Variants in RYR2 observed in about 807,000 individuals in gnomAD.
RYR2 encodes ryanodine receptor 2, also known as cardiac muscle ryanodine receptor-calcium release channel.
A neutral mutation model predicts 601.1 loss-of-function variants in RYR2; 227 were observed. That is an observed-to-expected ratio of 0.38 (90% confidence interval 0.34 to 0.42). The LOEUF (loss-of-function observed/expected upper bound fraction) is 0.42, where lower values mean the gene tolerates loss of function less well. Among genes scored for constraint, RYR2 ranks in the 10% least tolerant of loss-of-function variants. The pLI, the probability that RYR2 is intolerant of heterozygous loss-of-function variation, is 1.00. For synonymous variants in RYR2, 2,223 were observed against 2,175.1 expected (o/e 1.02, Z -0.61); for missense variants, 4,646 against 6,156.5 (o/e 0.75, Z 8.21).
chr1:237,287,325 C>A (rs562607123), intron 2 of RYR2, among the ~76,000 whole-genome samples: 4 of 152,280 alleles, frequency 2.6e-5, no homozygotes, highest in Admixed American at 2.6e-4. Context: ...CCCAGGTGAT[C>A]TTTATGCTTC....
At chr1:237,522,280 A>T (rs1050372625) in intron 24 of RYR2, among the ~76,000 whole-genome samples, 1 of 152,228 alleles carries the variant, frequency 6.6e-6, no homozygotes, top group Non-Finnish European at 1.5e-5. Flanking sequence ...CTATAATACT[A>T]ACAATAGCTG....
Position 237,700,220 on chromosome 1 carries a change from A to C in RYR2, c.9129-9A>C. Reference sequence around the variant, plus strand: ...GGAAGATACGAGTCCTCCCTTATTTACTTTCTAGGACAGTGATGAAGACTG... The same window carrying C: ...GGAAGATACGAGTCCTCCCTTATTTCCTTTCTAGGACAGTGATGAAGACTG... On this transcript the variant is annotated splice_polypyrimidine_tract_variant and intron_variant, in intron 64 of 104. Transcript: ENST00000366574. 6.7e-7 allele frequency: 1 copy of C among 1,486,998 alleles called. No individual in the cohort carries two copies. The highest frequency in any genetic ancestry group is 9.2e-7 in the Non-Finnish European group (1 of 1,088,448). The allele number at this position is 1,486,998 out of a possible 1,614,324, so 92.1% of individuals were successfully genotyped here. A position where few individuals can be genotyped will look rare whatever the true frequency, so the allele number is the denominator to read the frequency against.
In RYR2 at chr1:237,605,240, C is replaced by T. The variant is rs567095495; in HGVS notation, c.4683+3129C>T. ...TTATCCACCATGATAAAGTGGGCTT[C>T]ATCCCTGGGATGCAAGGCTGGTTCA... On this transcript the variant is annotated intron_variant, in intron 35 of 104. Transcript: ENST00000366574. 2.5e-3 allele frequency among the ~76,000 whole-genome samples: 388 copies of T among 152,288 alleles called. 1 individual carries two copies. The highest frequency in any genetic ancestry group is 8.9e-3 in the African/African-American group (369 of 41,584).
Position 237,183,760 on chromosome 1 carries a change from C to T in RYR2, c.49-86737C>T, listed in dbSNP as rs527610165. Among the ~76,000 whole-genome samples the T allele has an allele frequency of 1.2e-4, 18 of 152,206 alleles. No individual in the cohort carries two copies. In the South Asian group the frequency reaches 3.7e-3, roughly 32 times the overall value. The stretch of plus-strand genomic sequence containing the variant: ...CATGAACACAATATTTTGTCTCATC[C>T]TTTGTTCAATTTAGAGACTGACCTT... On this transcript the variant is annotated intron_variant, in intron 1 of 104. Transcript: ENST00000366574.
chr1:237,673,193 A>G (rs1479786718), intron 58 of RYR2, among the ~76,000 whole-genome samples: 4 of 152,228 alleles, frequency 2.6e-5, no homozygotes, highest in African/African-American at 9.6e-5. Flanking sequence ...AGCCTCTCAC[A>G]CAATATATAT....
At chr1:237,054,301 C>T (rs1199493921) in intron 1 of RYR2, among the ~76,000 whole-genome samples, 1 of 135,300 alleles carries the variant, frequency 7.4e-6, no homozygotes, top group Non-Finnish European at 1.7e-5. Context: ...CTTCCTCCTT[C>T]CTCCCTCTTC....
At chr1:237,412,933 T>C (rs893447740) in intron 10 of RYR2, among the ~76,000 whole-genome samples, 4 of 152,186 alleles carry the variant, frequency 2.6e-5, no homozygotes, top group African/African-American at 9.6e-5. Context: ...AGACTCTGAT[T>C]TGATACTTGA....
intron 100 of RYR2, among the ~76,000 whole-genome samples, chr1:237,816,891 G>A (rs1396359185): frequency 6.6e-6 from 1 of 152,092 alleles, no homozygotes; most frequent in African/African-American, 2.4e-5. Flanking sequence ...GTGATGGATG[G>A]TCTGTAAGAT....
intron 2 of RYR2, among the ~76,000 whole-genome samples, chr1:237,314,416 T>G (rs1189626605): frequency 1.3e-5 from 2 of 152,138 alleles, no homozygotes; most frequent in African/African-American, 2.4e-5. Context: ...TAGGCAGCCT[T>G]GAAAATAAAA....
At chr1:237,700,605 A>G in intron 65 of RYR2, 138 bp downstream of exon 65, 1 of 606,834 alleles carries the variant, frequency 1.6e-6, no homozygotes, top group Non-Finnish European at 3.0e-6. Context: ...GCAAAACGTT[A>G]TAGGTTGACA....
At chr1:237,830,750 T>C (rs1663681562) in intron 103 of RYR2, 120 bp downstream of exon 103, 2 of 583,274 alleles carry the variant, frequency 3.4e-6, no homozygotes, top group Non-Finnish European at 6.2e-6. Context: ...GCAGATACTT[T>C]AAAAGAAAGT....
intron 80 of RYR2, among the ~76,000 whole-genome samples, chr1:237,743,104 G>C (rs761414542): frequency 6.6e-6 from 1 of 151,988 alleles, no homozygotes; most frequent in Non-Finnish European, 1.5e-5. Context: ...AAGAAATTAA[G>C]TGCAGGGAAA....
intron 25 of RYR2, among the ~76,000 whole-genome samples, chr1:237,542,291 C>G (rs1669375944): frequency 6.6e-6 from 1 of 152,022 alleles, no homozygotes; most frequent in African/African-American, 2.4e-5. Flanking sequence ...TGGGGTTTCT[C>G]CATGTTGGTC....
chr1:237,518,577 A>G (rs545313461), intron 24 of RYR2, among the ~76,000 whole-genome samples: 242 of 152,330 alleles, frequency 1.6e-3, no homozygotes, highest in Non-Finnish European at 2.9e-3. Context: ...ATGTTGCTAC[A>G]AAATACATGA....
chr1:237,766,307 ATGCTTC>A (rs1490704553), intron 84 of RYR2, among the ~76,000 whole-genome samples: 6 of 152,198 alleles, frequency 3.9e-5, no homozygotes, highest in African/African-American at 1.4e-4. Flanking sequence ...TGTTCAAATA[ATGCTTC>A]TGCTAGACTC....
At chr1:237,297,574 T>C (rs564933687) in intron 2 of RYR2, among the ~76,000 whole-genome samples, 1 of 152,242 alleles carries the variant, frequency 6.6e-6, no homozygotes, top group Non-Finnish European at 1.5e-5. Context: ...TATAATGTGA[T>C]GGTTTGATGC....
rs771970717 is a variant in RYR2 at position 237,660,204 on chromosome 1, G to A, written c.8298+130G>A. The A allele has an allele frequency of 1.8e-5, 8 of 448,002 alleles. 1 individual carries two copies. The highest frequency in any genetic ancestry group is 6.9e-5 in the African/African-American group (3 of 43,266). 27.8% of individuals were successfully genotyped at this position (448,002 alleles called of 1,614,324 possible). A position where few individuals can be genotyped will look rare whatever the true frequency, so the allele number is the denominator to read the frequency against. ...TCACATTTTTTCTTCCAAAGGTCCC[G>A]TTTAAAAAAAAAACCTTCTTATATT... On this transcript the variant is annotated intron_variant, in intron 55 of 104. Transcript: ENST00000366574.
chr1:237,676,042 T>A (rs1258019731), intron 60 of RYR2, among the ~76,000 whole-genome samples: 1 of 152,144 alleles, frequency 6.6e-6, no homozygotes, highest in Non-Finnish European at 1.5e-5. Context: ...TTAATGAAAT[T>A]TAACCGAAGA....
rs567499996 is a variant in RYR2, at chr1:237,264,149, C to T, written c.49-6348C>T. Among the ~76,000 whole-genome samples the T allele has an allele frequency of 9.2e-5, 14 of 151,968 alleles. No homozygotes were observed. In the South Asian group the frequency reaches 2.9e-3, roughly 32 times the overall value. On this transcript the variant is annotated intron_variant, in intron 1 of 104. Transcript: ENST00000366574. ...TACACATAGGCTTTCCCATAATTCA[C>T]CCCTCAACATGTCCCCATTATATCC... is the stretch of plus-strand genomic sequence containing the variant.
Sources: allele counts gnomAD v4.1 joint callset (sites outside exome capture counted in the v4.1 genomes callset), GRCh38; gene constraint gnomAD v4.1.1; transcripts MANE v1.5; gene names NCBI Gene and HGNC (gene_info 2026-07-23, HGNC 2026-07-21).